KIAA1217: variants seen among roughly 807,000 people sequenced by gnomAD.
KIAA1217 encodes the protein KIAA1217, also known as sickle tail protein homolog.
In KIAA1217, 88 loss-of-function variants were observed where a neutral mutation model predicts 163.9. The observed-to-expected ratio is 0.54, with a 90% confidence interval of 0.45 to 0.64. KIAA1217 has a LOEUF of 0.64. KIAA1217 is among the 30% of genes least tolerant of loss of function. The pLI is 0.00. For missense variants in KIAA1217, 2,372 were observed against 2,475.0 expected, an observed-to-expected ratio of 0.96 and a Z score of 0.88; for synonymous variants, 903 against 923.1, an observed-to-expected ratio of 0.98 and a Z score of 0.39.
intron 5 of KIAA1217, among the ~76,000 whole-genome samples, chr10:24,438,974 G>A (rs954653118): frequency 2.6e-5 from 4 of 152,094 alleles, no homozygotes; most frequent in Non-Finnish European, 4.4e-5. Context: ...TTTTGTTGTT[G>A]TACTGTCTTA....
At chr10:23,969,734 C>T (rs562121352) in intron 1 of KIAA1217, among the ~76,000 whole-genome samples, 82 of 152,080 alleles carry the variant, frequency 5.4e-4, no homozygotes, top group Non-Finnish European at 1.0e-3. Flanking sequence ...TATGGATTGT[C>T]TTTTCATTTT....
At chr10:24,293,978 G>A (rs2079394152) in intron 2 of KIAA1217, among the ~76,000 whole-genome samples, 1 of 152,076 alleles carries the variant, frequency 6.6e-6, no homozygotes, top group Admixed American at 6.5e-5. Flanking sequence ...CGGATCACGA[G>A]GTCAGGAGAT....
intron 2 of KIAA1217, among the ~76,000 whole-genome samples, chr10:24,294,504 T>G (rs1425831975): frequency 1.3e-5 from 2 of 152,208 alleles, no homozygotes; most frequent in African/African-American, 4.8e-5. Context: ...GATGCTACTT[T>G]CATTAGGCAA....
At chr10:24,140,884 A>T (rs149977357) in intron 2 of KIAA1217, among the ~76,000 whole-genome samples, 5 of 152,200 alleles carry the variant, frequency 3.3e-5, no homozygotes, top group African/African-American at 4.8e-5. Context: ...GTCATGTCTT[A>T]TTGCATTGTC....
chr10:23,982,828 T>G (rs1351367090), intron 1 of KIAA1217, among the ~76,000 whole-genome samples: 1 of 152,214 alleles, frequency 6.6e-6, no homozygotes, highest in South Asian at 2.1e-4. Flanking sequence ...CCTCCCAACG[T>G]GCTAGGATTA....
intron 2 of KIAA1217, among the ~76,000 whole-genome samples, chr10:24,271,669 C>T (rs935764791): frequency 1.3e-5 from 2 of 151,834 alleles, no homozygotes; most frequent in Admixed American, 6.6e-5. Context: ...GAAGGATCAC[C>T]TGAGCCTGGG....
At chr10:24,276,926 A>T (rs1564390853) in intron 2 of KIAA1217, among the ~76,000 whole-genome samples, 1 of 147,916 alleles carries the variant, frequency 6.8e-6, no homozygotes, top group South Asian at 2.1e-4. Flanking sequence ...CTAATTAAAA[A>T]AAAAATAAAA....
intron 9 of KIAA1217, among the ~76,000 whole-genome samples, chr10:24,501,987 G>A (rs989311459): frequency 2.0e-5 from 3 of 151,904 alleles, no homozygotes; most frequent in African/African-American, 7.3e-5. Flanking sequence ...CTGACCTCGT[G>A]ATCCACCTGC....
intron 1 of KIAA1217, among the ~76,000 whole-genome samples, chr10:23,725,979 A>G (rs2130775419): frequency 6.6e-6 from 1 of 152,090 alleles, no homozygotes; most frequent in Non-Finnish European, 1.5e-5. Context: ...TTTGAAAACT[A>G]TGCTTTATGA....
At position 24,543,111 on chromosome 10, in the gene KIAA1217, A is replaced by G. The variant is rs751714433; in HGVS notation, c.3841A>G (p.Asn1281Asp). 3.1e-6 allele frequency: 5 copies of G among 1,613,734 alleles called. 1 individual carries two copies. The South Asian group carries it at 5.5e-5, about 18-fold the overall frequency. Reference protein sequence around the residue: ...SGISPLEDEINKGSKISGLQY... With the variant: ...SGISPLEDEIDKGSKISGLQY... ...CATTAGTCCATTAGAAGATGAAATA[A>G]ACAAAGGGTCTAAAATCTCAGGCCT... The change falls in exon 19 of 21, where the codon AAC becomes GAC. Residue 1281 changes from asparagine (N) to aspartate (D), a missense_variant. Asn to Asp is a conservative substitution (Grantham distance 23, BLOSUM62 1). Transcript: ENST00000376454.
chr10:23,840,021 T>G (rs1564465795), intron 1 of KIAA1217, among the ~76,000 whole-genome samples: 1 of 152,158 alleles, frequency 6.6e-6, no homozygotes, highest in Non-Finnish European at 1.5e-5. Flanking sequence ...CAGAGAAAGT[T>G]CTTAAACTTT....
chr10:24,347,115 G>A (rs1365314647), intron 2 of KIAA1217, among the ~76,000 whole-genome samples: 1 of 152,084 alleles, frequency 6.6e-6, no homozygotes, highest in Non-Finnish European at 1.5e-5. Context: ...CTTACTTCAA[G>A]TTTAGGCAGG....
Position 23,716,408 on chromosome 10 carries a change from G to C in KIAA1217, c.-321+21174G>C, listed in dbSNP as rs779166756. Among the ~76,000 whole-genome samples the C allele has an allele frequency of 1.3e-5, 2 of 152,092 alleles. 1 individual carries two copies. The highest frequency in any genetic ancestry group is 1.3e-4 in the Admixed American group (2 of 15,232). ...TTGTGTGTGTATCTGTATTCTAGGG[G>C]ATCCTTTAGGCTAAATAAATGCAAT... is the stretch of plus-strand genomic sequence containing the variant. On this transcript the variant is annotated intron_variant, in intron 1 of 18. Transcript: ENST00000376462.
chr10:23,997,973 A>C (rs1379078959), intron 1 of KIAA1217, among the ~76,000 whole-genome samples: 1 of 140,564 alleles, frequency 7.1e-6, no homozygotes, highest in East Asian at 2.1e-4. Flanking sequence ...GGTATGGAGA[A>C]GGGGGCTTTC....
At chr10:24,445,957 C>G (rs1408311631) in intron 5 of KIAA1217, among the ~76,000 whole-genome samples, 2 of 152,188 alleles carry the variant, frequency 1.3e-5, no homozygotes, top group Non-Finnish European at 2.9e-5. Flanking sequence ...AATCGCCACA[C>G]CAACTTCCAC....
At chr10:23,846,453 T>G (rs1185539220) in intron 1 of KIAA1217, among the ~76,000 whole-genome samples, 1 of 152,188 alleles carries the variant, frequency 6.6e-6, no homozygotes, top group Non-Finnish European at 1.5e-5. Flanking sequence ...TTCACCTCCC[T>G]TGTAAGTTGT....
At chr10:23,751,980 A>G (rs1333296140) in intron 1 of KIAA1217, among the ~76,000 whole-genome samples, 1 of 152,176 alleles carries the variant, frequency 6.6e-6, no homozygotes, top group South Asian at 2.1e-4. Flanking sequence ...GGTATGTGGT[A>G]TGATTATTTG....
intron 1 of KIAA1217, among the ~76,000 whole-genome samples, chr10:23,957,874 C>T (rs1180521273): frequency 3.3e-5 from 5 of 152,142 alleles, no homozygotes; most frequent in Non-Finnish European, 5.9e-5. Context: ...TAATTTGCAA[C>T]CCCCACAAAA....
chr10:24,418,229 G>A (rs987845200), intron 3 of KIAA1217, among the ~76,000 whole-genome samples: 2 of 151,992 alleles, frequency 1.3e-5, no homozygotes, highest in Non-Finnish European at 2.9e-5. Flanking sequence ...CAAAGTGCTG[G>A]GAATACTGGT....
Sources: allele counts gnomAD v4.1 joint callset (sites outside exome capture counted in the v4.1 genomes callset), GRCh38; gene constraint gnomAD v4.1.1; transcripts MANE v1.5; gene names NCBI Gene and HGNC (gene_info 2026-07-23, HGNC 2026-07-21).